The following PCDHGA2 variants were observed in gnomAD, a reference collection of about 807,000 sequenced individuals.
PCDHGA2 encodes protocadherin gamma-A2.
Under a neutral mutation model 59.2 loss-of-function variants are expected in PCDHGA2, and 40 were observed. The observed-to-expected ratio is 0.68, with a 90% confidence interval of 0.52 to 0.88. PCDHGA2 has a LOEUF of 0.88. Ranked by LOEUF, PCDHGA2 falls within the 40% of genes least tolerant of loss-of-function variation. The probability of loss-of-function intolerance (pLI) is 0.00; values close to 1 mark genes in which losing one functional copy is unlikely to be tolerated. For missense variants in PCDHGA2, 1,226 were observed against 1,204.0 expected, an observed-to-expected ratio of 1.02 and a Z score of -0.27; for synonymous variants, 560 against 526.0, an observed-to-expected ratio of 1.06 and a Z score of -0.89.
At chr5:141,355,215 T>G in intron 1 of PCDHGA2, 1 of 1,603,504 alleles carries the variant, frequency 6.2e-7, no homozygotes, top group South Asian at 1.1e-5. Context: ...CGGCGCCTCC[T>G]GCTCGCCCAG....
At chr5:141,503,607 A>G (rs141670522) in intron 2 of PCDHGA2, among the ~76,000 whole-genome samples, 63 of 151,996 alleles carry the variant, frequency 4.1e-4, no homozygotes, top group African/African-American at 1.4e-3. Flanking sequence ...TCAAAAAAAA[A>G]AAAAAAAGAA....
chr5:141,504,287 T>C (rs1191226511), intron 2 of PCDHGA2, among the ~76,000 whole-genome samples: 2 of 152,166 alleles, frequency 1.3e-5, no homozygotes, highest in Non-Finnish European at 2.9e-5. Flanking sequence ...AATCATTTCA[T>C]GTTTTTTCAA....
rs562479827 is a variant in PCDHGA2, at chr5:141,430,802, C to A, written c.2425-64005C>A. The A allele has an allele frequency of 1.2e-5, 18 of 1,524,776 alleles. No homozygotes were observed. The East Asian group carries it at 3.9e-4, about 33-fold the overall frequency. The allele number at this position is 1,524,776 out of a possible 1,614,324, so 94.5% of individuals were successfully genotyped here. On this transcript the variant is annotated intron_variant, in intron 1 of 3. Coordinates refer to ENST00000394576, the MANE Select transcript of PCDHGA2 (RefSeq NM_018915.4). ...GCACCGGGACTACAAAGGGCTTGTC[C>A]TGCTGGGAATCCTCCTGGGGACTCT... is the stretch of plus-strand genomic sequence containing the variant.
intron 1 of PCDHGA2, chr5:141,423,126 G>T (rs1397550571): frequency 6.2e-7 from 1 of 1,613,622 alleles, no homozygotes; most frequent in Non-Finnish European, 8.5e-7. Context: ...CGCGGGCACT[G>T]CTGGACAGAG....
chr5:141,348,170 G>A (rs1267534458), intron 1 of PCDHGA2, among the ~76,000 whole-genome samples: 2 of 152,200 alleles, frequency 1.3e-5, no homozygotes, highest in African/African-American at 4.8e-5. Context: ...ACCAAAATAT[G>A]TTTTATTAGA....
chr5:141,381,834 T>TTCTTTCTTTCTTTCTTTCTTCTTC, intron 1 of PCDHGA2, among the ~76,000 whole-genome samples: 1 of 140,162 alleles, frequency 7.1e-6, no homozygotes, highest in African/African-American at 2.8e-5. Flanking sequence ...TTCTTTTTTT[T>TTCTTTCTTTCTTTCTTTCTTCTTC]TTTTTTTTTT....
At chr5:141,428,188 G>T in intron 1 of PCDHGA2, 1 of 1,433,356 alleles carries the variant, frequency 7.0e-7, no homozygotes. Flanking sequence ...GACAGCCGCC[G>T]CTCTCTGCGC....
At chr5:141,360,926 T>G (rs1187113113) in intron 1 of PCDHGA2, 1 of 1,613,986 alleles carries the variant, frequency 6.2e-7, no homozygotes, top group Non-Finnish European at 8.5e-7. Flanking sequence ...GTGCTTCAAG[T>G]GACAGCCACC....
chr5:141,410,189 G>T, intron 1 of PCDHGA2: 1 of 1,613,992 alleles, frequency 6.2e-7, no homozygotes, highest in Non-Finnish European at 8.5e-7. Flanking sequence ...GCTTCATCTG[G>T]TCTTCGCAGA....
chr5:141,361,392 T>A, intron 1 of PCDHGA2: 1 of 1,613,882 alleles, frequency 6.2e-7, no homozygotes, highest in South Asian at 1.1e-5. Flanking sequence ...CAGAATACAA[T>A]CTCACCATCA....
At chr5:141,350,637 A>G (rs765774717) in intron 1 of PCDHGA2, 1 of 1,614,020 alleles carries the variant, frequency 6.2e-7, no homozygotes, top group Non-Finnish European at 8.5e-7. Context: ...ATTAATGACA[A>G]TGCACCACGT....
Position 141,371,577 on chromosome 5 carries a change from G to A in PCDHGA2, c.2424+30182G>A, listed in dbSNP as rs202142331. The A allele has an allele frequency of 9.5e-4, 1,537 of 1,613,860 alleles. 3 individuals carry two copies. The highest frequency in any genetic ancestry group is 1.3e-3 in the Middle Eastern group (8 of 6,062). On this transcript the variant is annotated intron_variant, in intron 1 of 3. Transcript: ENST00000394576. The stretch of plus-strand genomic sequence containing the variant: ...AAAAGGAAACTTCCCCTTTAAAATC[G>A]TTCAAGATACCAAAAACACATACAG...
chr5:141,404,942 A>G, intron 1 of PCDHGA2: 2 of 1,613,982 alleles, frequency 1.2e-6, no homozygotes, highest in South Asian at 1.1e-5. Context: ...CACAGTAGCC[A>G]TAGCTGACAG....
chr5:141,439,297 G>T (rs1252051365), intron 1 of PCDHGA2, among the ~76,000 whole-genome samples: 1 of 152,064 alleles, frequency 6.6e-6, no homozygotes, highest in African/African-American at 2.4e-5. Context: ...CATGGAAAAA[G>T]TAAAGCCCAG....
chr5:141,494,386 T>G (rs2099753905), intron 1 of PCDHGA2, among the ~76,000 whole-genome samples: 1 of 152,198 alleles, frequency 6.6e-6, no homozygotes, highest in African/African-American at 2.4e-5. Context: ...GCTGAGGAGT[T>G]GAATAAATTC....
chr5:141,394,748 C>G (rs960054108), intron 1 of PCDHGA2: 7 of 1,613,296 alleles, frequency 4.3e-6, no homozygotes, highest in Non-Finnish European at 5.9e-6. Flanking sequence ...TCGTGGTGGC[C>G]GTCCAGGACC....
At chr5:141,502,880 T>TTTTTTTTTTG (rs2099816747) in intron 2 of PCDHGA2, among the ~76,000 whole-genome samples, 1 of 151,000 alleles carries the variant, frequency 6.6e-6, no homozygotes, top group African/African-American at 2.4e-5. Context: ...TTTTTTTTTT[T>TTTTTTTTTTG]GACAGGGAGT....
At chr5:141,421,977 G>A in intron 1 of PCDHGA2, 1 of 1,609,542 alleles carries the variant, frequency 6.2e-7, no homozygotes, top group Admixed American at 1.7e-5. Context: ...TATATCGCGT[G>A]AGTGTTCCAG....
At chr5:141,497,807 T>G (rs2099779585) in intron 2 of PCDHGA2, among the ~76,000 whole-genome samples, 1 of 152,210 alleles carries the variant, frequency 6.6e-6, no homozygotes, top group African/African-American at 2.4e-5. Context: ...CCCAAAGTGC[T>G]AGAATTACAG....
Sources: allele counts gnomAD v4.1 joint callset (sites outside exome capture counted in the v4.1 genomes callset), GRCh38; gene constraint gnomAD v4.1.1; transcripts MANE v1.5; gene names NCBI Gene and HGNC (gene_info 2026-07-23, HGNC 2026-07-21).